PTPRD: variants seen among roughly 807,000 people sequenced by gnomAD.
The protein encoded by PTPRD is protein tyrosine phosphatase receptor type D.
PTPRD carries 34 observed loss-of-function variants against 214.5 expected under a neutral mutation model. The ratio of observed to expected loss-of-function variants is 0.16; its 90% CI spans 0.12 to 0.21. The LOEUF (loss-of-function observed/expected upper bound fraction) is 0.21, where lower values mean the gene tolerates loss of function less well. PTPRD is among the 10% of genes least tolerant of loss of function. The probability of loss-of-function intolerance (pLI) is 1.00; values close to 1 mark genes in which losing one functional copy is unlikely to be tolerated. For synonymous variants in PTPRD, 1,128 were observed against 845.7 expected (o/e 1.33, Z -5.79); for missense variants, 2,545 against 2,398.7 (o/e 1.06, Z -1.27).
At chr9:8,536,309 T>C (rs911613855) in intron 14 of PTPRD, among the ~76,000 whole-genome samples, 1 of 151,978 alleles carries the variant, frequency 6.6e-6, no homozygotes, top group Non-Finnish European at 1.5e-5. Context: ...TTTACTTTTA[T>C]TTTTTAAATG....
chr9:10,116,228 G>A (rs79865415), intron 3 of PTPRD, among the ~76,000 whole-genome samples: 6,494 of 152,062 alleles, frequency 0.043, 287 homozygotes, highest in East Asian at 0.13. Flanking sequence ...ATTTCTAACT[G>A]GTAAATGTCA....
At chr9:9,377,833 A>G (rs2061198921) in intron 9 of PTPRD, among the ~76,000 whole-genome samples, 1 of 152,078 alleles carries the variant, frequency 6.6e-6, no homozygotes, top group African/African-American at 2.4e-5. Context: ...CCTATTAGGC[A>G]TACTTCTTAA....
intron 2 of PTPRD, among the ~76,000 whole-genome samples, chr9:10,376,868 G>A (rs183391836): frequency 1.4e-4 from 22 of 151,922 alleles, no homozygotes; most frequent in Middle Eastern, 3.4e-3. Context: ...AATAGAGTAC[G>A]TAACCCTTCA....
At chr9:9,101,686 A>T (rs2099791581) in intron 10 of PTPRD, among the ~76,000 whole-genome samples, 1 of 152,196 alleles carries the variant, frequency 6.6e-6, no homozygotes, top group South Asian at 2.1e-4. Flanking sequence ...AAGACTTGAG[A>T]CATGATGTGT....
At chr9:9,675,295 G>C (rs1029622477) in intron 7 of PTPRD, among the ~76,000 whole-genome samples, 1 of 151,724 alleles carries the variant, frequency 6.6e-6, no homozygotes, top group African/African-American at 2.4e-5. Flanking sequence ...GACTTTCAGA[G>C]TAATATATAT....
At chr9:8,925,680 G>A (rs1434610663) in intron 11 of PTPRD, among the ~76,000 whole-genome samples, 1 of 146,638 alleles carries the variant, frequency 6.8e-6, no homozygotes, top group East Asian at 2.1e-4. Flanking sequence ...TATCTTGGAT[G>A]CCATCCTCAA....
At chr9:8,784,252 A>G (rs368563210) in intron 11 of PTPRD, among the ~76,000 whole-genome samples, 1 of 152,344 alleles carries the variant, frequency 6.6e-6, no homozygotes, top group East Asian at 1.9e-4. Context: ...TGACCTGGAA[A>G]GGTTATTTTT....
At chr9:8,376,457 G>A (rs966802938) in intron 38 of PTPRD, 150 bp downstream of exon 38, 53 of 1,156,158 alleles carry the variant, frequency 4.6e-5, no homozygotes, top group Non-Finnish European at 5.7e-5. Flanking sequence ...AAGAAAAATG[G>A]CTGAGTGATA....
At chr9:8,996,420 A>C (rs1243425156) in intron 11 of PTPRD, among the ~76,000 whole-genome samples, 1 of 152,122 alleles carries the variant, frequency 6.6e-6, no homozygotes, top group East Asian at 1.9e-4. Flanking sequence ...CTGGAAAAAG[A>C]AAAACGTAGG....
intron 7 of PTPRD, among the ~76,000 whole-genome samples, chr9:9,724,035 A>C (rs1379610454): frequency 6.6e-6 from 1 of 152,102 alleles, no homozygotes; most frequent in Non-Finnish European, 1.5e-5. Flanking sequence ...TACAACGTTG[A>C]ATAGAAGTGG....
intron 2 of PTPRD, among the ~76,000 whole-genome samples, chr9:10,576,110 T>G (rs2069226952): frequency 6.6e-6 from 1 of 152,206 alleles, no homozygotes; most frequent in Admixed American, 6.5e-5. Context: ...TTCCATTTCT[T>G]CCCTTGCCTA....
intron 5 of PTPRD, among the ~76,000 whole-genome samples, chr9:9,938,005 T>C (rs1446538301): frequency 2.0e-5 from 3 of 152,156 alleles, no homozygotes; most frequent in Non-Finnish European, 4.4e-5. Context: ...AGACTGGTAA[T>C]CGAGGAGTCT....
rs899351544 is a variant in PTPRD at position 8,687,913 on chromosome 9, A to G, written c.64+45867T>C. ...TTCAAATCTTTGTCTTTGATAATCT[A>G]TATGTATAATGTCCCAAATAATCAG... On this transcript the variant is annotated intron_variant, in intron 12 of 45. Coordinates refer to ENST00000381196, the MANE Select transcript of PTPRD (RefSeq NM_002839.4). Among the ~76,000 whole-genome samples the G allele has an allele frequency of 5.3e-5, 8 of 152,276 alleles. No individual in the cohort carries two copies. In the South Asian group the frequency reaches 1.7e-3, roughly 32 times the overall value.
chr9:9,894,448 A>T (rs1162910491), intron 5 of PTPRD, among the ~76,000 whole-genome samples: 1 of 151,984 alleles, frequency 6.6e-6, no homozygotes, highest in African/African-American at 2.4e-5. Context: ...CAGATTTTTT[A>T]AATTCAATTT....
intron 8 of PTPRD, among the ~76,000 whole-genome samples, chr9:9,511,191 A>G (rs927062963): frequency 6.6e-6 from 1 of 151,784 alleles, no homozygotes; most frequent in Non-Finnish European, 1.5e-5. Context: ...TATATTCTGA[A>G]AAATATTTAT....
In PTPRD at chr9:10,083,937, C is replaced by T. The variant is rs1050853890; in HGVS notation, c.-544-50147G>A. 2.0e-5 allele frequency among the ~76,000 whole-genome samples: 3 copies of T among 151,974 alleles called. No homozygotes were observed. In the South Asian group the frequency reaches 6.2e-4, roughly 31 times the overall value. Reference sequence around the variant, plus strand: ...ACCAGTCCCTGTCTGCACTAGTCCACAGCACTGGAGTTGGGGACACCTGAA... The same window carrying T: ...ACCAGTCCCTGTCTGCACTAGTCCATAGCACTGGAGTTGGGGACACCTGAA... On this transcript the variant is annotated intron_variant, in intron 3 of 45. Transcript: ENST00000381196.
chr9:10,608,940 G>C (rs761552784), intron 2 of PTPRD, among the ~76,000 whole-genome samples: 30 of 152,146 alleles, frequency 2.0e-4, no homozygotes, highest in Non-Finnish European at 4.0e-4. Flanking sequence ...ACAGTGAACC[G>C]ACAGTAGTGG....
At chr9:8,826,734 G>C (rs1380931398) in intron 11 of PTPRD, among the ~76,000 whole-genome samples, 1 of 151,008 alleles carries the variant, frequency 6.6e-6, no homozygotes, top group African/African-American at 2.4e-5. Context: ...GGCAAGCATA[G>C]TATCTCTTCT....
chr9:10,596,921 T>C (rs756578386), intron 2 of PTPRD, among the ~76,000 whole-genome samples: 4 of 151,638 alleles, frequency 2.6e-5, no homozygotes, highest in African/African-American at 9.7e-5. Flanking sequence ...AGGTAGTATA[T>C]GTAATTTTCC....
Sources: gnomAD v4.1 joint callset for allele counts (sites outside exome capture counted in the v4.1 genomes callset) on GRCh38, gnomAD v4.1.1 for gene constraint, MANE v1.5 for transcripts, NCBI Gene and HGNC (gene_info 2026-07-23, HGNC 2026-07-21) for gene names.